Variants in TET2 observed in about 807,000 individuals in gnomAD.
TET2 encodes tet methylcytosine dioxygenase 2.
A neutral mutation model predicts 142.9 loss-of-function variants in TET2; 299 were observed. The ratio of observed to expected loss-of-function variants is 2.09; its 90% CI spans 1.90 to 2.30. The LOEUF is 2.30. TET2 is among the 30% of genes most tolerant of loss of function. The pLI, the probability that TET2 is intolerant of heterozygous loss-of-function variation, is 0.00. For missense variants in TET2, 2,418 were observed against 2,378.0 expected, an observed-to-expected ratio of 1.02 and a Z score of -0.35; for synonymous variants, 819 against 849.0, an observed-to-expected ratio of 0.96 and a Z score of 0.61.
At chr4:105,148,211 G>T (rs966263564) in intron 1 of TET2, among the ~76,000 whole-genome samples, 2 of 152,064 alleles carry the variant, frequency 1.3e-5, no homozygotes, top group African/African-American at 4.8e-5. Flanking sequence ...CTCCTGGAAA[G>T]GCCGAAAATG....
At chr4:105,192,052 G>A (rs1374547004) in intron 2 of TET2, among the ~76,000 whole-genome samples, 1 of 151,958 alleles carries the variant, frequency 6.6e-6, no homozygotes, top group East Asian at 1.9e-4. Flanking sequence ...TTCTGCTCTT[G>A]TCTTTTACAT....
At chr4:105,220,614 T>C (rs1727758242) in intron 2 of TET2, among the ~76,000 whole-genome samples, 1 of 152,080 alleles carries the variant, frequency 6.6e-6, no homozygotes, top group Non-Finnish European at 1.5e-5. Context: ...AGCTCAGGGC[T>C]CCTTAAGCAC....
At chr4:105,229,762 T>C (rs1728396630) in intron 2 of TET2, among the ~76,000 whole-genome samples, 1 of 152,042 alleles carries the variant, frequency 6.6e-6, no homozygotes, top group Non-Finnish European at 1.5e-5. Flanking sequence ...CATTATATAT[T>C]CTCCAGAGAT....
chr4:105,237,174 A>G lies in TET2; in HGVS notation c.3232A>G (p.Thr1078Ala), dbSNP rs1553914530. ...QTTAAELDSH[T>A]PALEQQTTSS... is the part of the protein sequence containing the mutation. Reference sequence around the variant, plus strand: ...CACTGCTGCAGAACTTGATAGCCACACCCCAGCTTTAGAGCAGCAAACAAC... The same window carrying G: ...CACTGCTGCAGAACTTGATAGCCACGCCCCAGCTTTAGAGCAGCAAACAAC... The change falls in exon 3 of 11, where the codon ACC becomes GCC. Residue 1078 changes from threonine to alanine, a missense_variant. By Grantham distance (58) the Thr-to-Ala change is moderately conservative. Transcript: ENST00000380013. 1.2e-5 allele frequency: 20 copies of G among 1,613,996 alleles called. 2 individuals carry two copies. The South Asian group carries it at 2.2e-4, about 18-fold the overall frequency.
At position 105,277,041 on chromosome 4, in the gene TET2, T is replaced by A. The variant is rs1160272471; in HGVS notation, c.*522T>A. 3 of 232,380 alleles carry A rather than the reference T, an allele frequency of 1.3e-5. No individual in the cohort carries two copies. The highest frequency in any genetic ancestry group is 2.2e-5 in the African/African-American group (1 of 45,294). The allele number at this position is 232,380 out of a possible 1,614,324, so 14.4% of individuals were successfully genotyped here. A position where few individuals can be genotyped will look rare whatever the true frequency, so the allele number is the denominator to read the frequency against. On this transcript the variant is annotated 3_prime_UTR_variant, in exon 11 of 11. Coordinates refer to ENST00000380013, the MANE Select transcript of TET2 (RefSeq NM_001127208.3). Reference sequence around the variant, plus strand: ...ATGCAGTTTTTACTGTAATCTTAACTTTTATTTATCAAAATAGCTACAGGA... The same window carrying A: ...ATGCAGTTTTTACTGTAATCTTAACATTTATTTATCAAAATAGCTACAGGA...
Position 105,276,106 on chromosome 4 carries a change from C to G in TET2, c.5596C>G (p.Pro1866Ala). ...DPDIGGVAVA[P>A]THGSILIECA... The stretch of plus-strand genomic sequence containing the variant: ...TGACATTGGGGGAGTGGCCGTGGCT[C>G]CAACTCATGGGTCAATTCTCATTGA... The change falls in exon 11 of 11, where the codon CCA becomes GCA. Residue 1866 changes from proline (P) to alanine (A), a missense_variant. By Grantham distance (27) the Pro-to-Ala change is conservative. Coordinates refer to ENST00000380013, the MANE Select transcript of TET2 (RefSeq NM_001127208.3). The G allele has an allele frequency of 6.4e-7, 1 of 1,551,632 alleles. No individual in the cohort carries two copies. Among genetic ancestry groups the G allele is most frequent in the Non-Finnish European group, 8.7e-7 (1 of 1,146,976 alleles).
Position 105,234,413 on chromosome 4 carries a change from A to T in TET2, c.471A>T (p.Glu157Asp). ...AATCTGTGAGTTCTGTAGCCCAAGA[A>T]AATGCAGTTAAAGATTTCACCAGTT... ...KKESVSSVAQ[E>D]NAVKDFTSFS... Residue 157 changes from glutamate to aspartate, a missense_variant, in exon 3 of 11, where the codon GAA (glutamate) becomes GAT (aspartate). By Grantham distance (45) the Glu-to-Asp change is conservative. Transcript: ENST00000380013. The T allele has an allele frequency of 6.2e-7, 1 of 1,614,040 alleles. No homozygotes were observed. The highest frequency in any genetic ancestry group is 8.5e-7 in the Non-Finnish European group (1 of 1,180,016).
chr4:105,236,270 TG>T lies in TET2; in HGVS notation c.2330del (p.Gly777AlafsTer36). ...ATCAGCAAAGAGAAGGATCATTCTT[TG>T]GCCAGACTAAAGTGGAAGAATGTTT... The part of the protein sequence containing the change: ...NDQQREGSFF[G>X]QTKVEECFHG... On this transcript the variant is annotated frameshift_variant, in exon 3 of 11. Transcript: ENST00000380013. LOFTEE classifies it high-confidence loss of function. 6.2e-7 allele frequency: 1 copy of T among 1,614,164 alleles called. No individual in the cohort carries two copies. Among genetic ancestry groups the T allele is most frequent in the Non-Finnish European group, 8.5e-7 (1 of 1,180,034 alleles).
intron 2 of TET2, among the ~76,000 whole-genome samples, chr4:105,219,336 G>C (rs1230636320): frequency 6.6e-6 from 1 of 152,096 alleles, no homozygotes; most frequent in Non-Finnish European, 1.5e-5. Flanking sequence ...ATTAAGACTA[G>C]ATCAATAGGA....
intron 1 of TET2, chr4:105,177,565 A>G (rs1227773098): frequency 6.6e-6 from 1 of 152,214 alleles, no homozygotes; most frequent in East Asian, 1.9e-4. Context: ...TTGAAAATTA[A>G]AACAACAATG....
At chr4:105,170,615 A>G (rs1236935767) in intron 1 of TET2, among the ~76,000 whole-genome samples, 1 of 152,222 alleles carries the variant, frequency 6.6e-6, no homozygotes, top group Non-Finnish European at 1.5e-5. Flanking sequence ...TAAAATATCC[A>G]TTGATTATTT....
At chr4:105,174,486 A>G (rs1724665457) in intron 1 of TET2, among the ~76,000 whole-genome samples, 1 of 152,262 alleles carries the variant, frequency 6.6e-6, no homozygotes, top group African/African-American at 2.4e-5. Context: ...AAATGAGATT[A>G]TAGGGCAAAC....
chr4:105,235,910 C>T lies in TET2; in HGVS notation c.1968C>T (p.Pro656=), dbSNP rs1485937043. The T allele has an allele frequency of 1.9e-6, 3 of 1,613,994 alleles. No homozygotes were observed. Among genetic ancestry groups the T allele is most frequent in the Non-Finnish European group, 2.5e-6 (3 of 1,180,024 alleles). The change falls in exon 3 of 11, where the codon CCC becomes CCT. Residue 656 remains proline (P), a synonymous_variant. Transcript: ENST00000380013. ...ACCAACATCTCCAGTTCCAAAAACC[C>T]TCACACCAGGTGCACTTCTCCAAAA... The part of the protein sequence containing the change: ...TVDQHLQFQK[P]SHQVHFSKTD...
chr4:105,275,482 C>G lies in TET2; in HGVS notation c.4972C>G (p.Leu1658Val), dbSNP rs1203132267. The G allele has an allele frequency of 3.2e-6, 5 of 1,551,700 alleles. No individual in the cohort carries two copies. In the South Asian group the frequency reaches 5.9e-5, roughly 18 times the overall value. Reference protein sequence around the residue: ...SYSPQSQPMDLYRYPSQDPLS... With the variant: ...SYSPQSQPMDVYRYPSQDPLS... ...TTCTCCCCAGTCTCAGCCGATGGAT[C>G]TGTATAGGTATCCAAGCCAAGACCC... is the stretch of plus-strand genomic sequence containing the variant. The change falls in exon 11 of 11, where the codon CTG becomes GTG. Residue 1658 changes from leucine to valine, a missense_variant. Leu to Val is a conservative substitution (Grantham distance 32, BLOSUM62 1). Coordinates refer to ENST00000380013, the MANE Select transcript of TET2 (RefSeq NM_001127208.3).
chr4:105,259,062 C>T (rs1000982496), intron 6 of TET2, among the ~76,000 whole-genome samples: 1 of 152,046 alleles, frequency 6.6e-6, no homozygotes, highest in African/African-American at 2.4e-5. Flanking sequence ...TATATAATTC[C>T]ATATACCTAT....
chr4:105,264,670 G>C (rs1458264275), intron 8 of TET2, among the ~76,000 whole-genome samples: 1 of 152,152 alleles, frequency 6.6e-6, no homozygotes, highest in Non-Finnish European at 1.5e-5. Flanking sequence ...AGATGCTTCT[G>C]AATGGATAAA....
chr4:105,275,050 CT>C lies in TET2; in HGVS notation c.4544del (p.Leu1515CysfsTer56). ...NASQAKQLAE[L>X]LRLSGPVMQQ... ...GTTCTCTCTTACCCTGTCCACAGAA[CT>C]TTTGCGACTTTCAGGACCAGTCATG... On this transcript the variant is annotated frameshift_variant, in exon 11 of 11. Coordinates refer to ENST00000380013, the MANE Select transcript of TET2 (RefSeq NM_001127208.3). LOFTEE classifies it low-confidence loss of function (END_TRUNC). 6.6e-7 allele frequency: 1 copy of C among 1,524,174 alleles called. No individual in the cohort carries two copies. 94.4% of individuals were successfully genotyped at this position (1,524,174 alleles called of 1,614,324 possible).
intron 9 of TET2, 25 bp from the exon 10 acceptor site, chr4:105,272,539 C>A (rs1469036329): frequency 4.2e-6 from 6 of 1,432,104 alleles, no homozygotes; most frequent in Admixed American, 5.2e-5. Context: ...GTAGTTGAGG[C>A]TGTAATGTCT....
rs1730856665 is a variant in TET2 at position 105,269,683 on chromosome 4, C to T, written c.4118C>T (p.Ala1373Val). The T allele has an allele frequency of 6.4e-7, 1 of 1,551,670 alleles. No individual in the cohort carries two copies. Among genetic ancestry groups the T allele is most frequent in the Non-Finnish European group, 8.7e-7 (1 of 1,146,956 alleles). ...KEGRPFSGVTACLDFCAHAHR... is the reference protein window; with the variant it reads ...KEGRPFSGVTVCLDFCAHAHR... ...GGCCGTCCATTCTCAGGGGTCACTG[C>T]ATGTTTGGACTTCTGTGCTCATGCC... Residue 1373 changes from alanine (A) to valine (V), a missense_variant, in exon 9 of 11, where the codon GCA (alanine) becomes GTA (valine). By Grantham distance (64) the Ala-to-Val change is moderately conservative. Transcript: ENST00000380013.
Sources: allele counts gnomAD v4.1 joint callset (sites outside exome capture counted in the v4.1 genomes callset), GRCh38; gene constraint gnomAD v4.1.1; transcripts MANE v1.5; gene names NCBI Gene and HGNC (gene_info 2026-07-23, HGNC 2026-07-21).